HDAC4: variants seen among roughly 807,000 people sequenced by gnomAD.
HDAC4 encodes the protein histone deacetylase A.
A neutral mutation model predicts 135.1 loss-of-function variants in HDAC4; 16 were observed. The ratio of observed to expected loss-of-function variants is 0.12; its 90% CI spans 0.08 to 0.18. HDAC4 has a LOEUF of 0.18. Ranked by LOEUF, HDAC4 falls within the 10% of genes least tolerant of loss-of-function variation. The probability of loss-of-function intolerance (pLI) is 1.00; values close to 1 mark genes in which losing one functional copy is unlikely to be tolerated. For synonymous variants in HDAC4, 685 were observed against 653.4 expected (o/e 1.05, Z -0.74); for missense variants, 1,143 against 1,511.8 (o/e 0.76, Z 4.05).
chr2:239,190,159 G>T, intron 3 of HDAC4, 82 bp from the exon 4 acceptor site: 1 of 1,389,074 alleles, frequency 7.2e-7, no homozygotes, highest in Non-Finnish European at 9.5e-7. Context: ...CAACACACTG[G>T]CCACCTTCAC....
At chr2:239,236,723 T>G in intron 2 of HDAC4, 59 bp from the exon 3 acceptor site, 1 of 1,309,732 alleles carries the variant, frequency 7.6e-7, no homozygotes, top group Non-Finnish European at 1.1e-6. Flanking sequence ...CAACATACTT[T>G]ATGCTGGGAG....
intron 2 of HDAC4, among the ~76,000 whole-genome samples, chr2:239,333,254 T>C (rs370394524): frequency 6.6e-6 from 1 of 152,046 alleles, no homozygotes; most frequent in East Asian, 1.9e-4. Flanking sequence ...GGATTTTACA[T>C]TAAGTGGTTG....
rs1374822305 is a variant in HDAC4 at position 239,068,194 on chromosome 2, T to G, written c.2869+295A>C. On this transcript the variant is annotated intron_variant, in intron 23 of 26. Transcript: ENST00000543185. The surrounding 1 kb of genome is among the most constrained non-coding windows in gnomAD (Gnocchi z 4.4). ...TCTTGGTGGGACCAGGACCTGCCCC[T>G]GGAGGTGGCCTGCAGGTCCCTAGGC... 6.6e-6 allele frequency among the ~76,000 whole-genome samples: 1 copy of G among 152,106 alleles called. No homozygotes were observed. The highest frequency in any genetic ancestry group is 1.5e-5 in the Non-Finnish European group (1 of 67,988).
rs114060316 is a variant in HDAC4, at chr2:239,275,502, C to T, written c.23-38838G>A. Among the ~76,000 whole-genome samples, 1,144 of 152,290 alleles carry T rather than the reference C, an allele frequency of 7.5e-3. 9 individuals are homozygous for T. The highest frequency in any genetic ancestry group is 0.013 in the Non-Finnish European group (858 of 68,024). The stretch of plus-strand genomic sequence containing the variant: ...AGCTCTGCAAATGTGATGGCAGTGG[C>T]GATGTCATGGCCCACGGAGTGACAG... On this transcript the variant is annotated intron_variant, in intron 2 of 26. Transcript: ENST00000543185.
chr2:239,111,584 C>T lies in HDAC4; in HGVS notation c.1920G>A (p.Ala640=), dbSNP rs533357140. The change falls in exon 14 of 27, where the codon GCG becomes GCA. Residue 640 remains alanine (A), a synonymous_variant. Coordinates refer to ENST00000543185, the MANE Select transcript of HDAC4 (RefSeq NM_001378414.1). ...GCACAGACACGGGGAAGGTGGCAGACGCGGGTGAGGACTGCGCCCGGGACA... is the reference window on the plus strand; with the variant it reads ...GCACAGACACGGGGAAGGTGGCAGATGCGGGTGAGGACTGCGCCCGGGACA... ...RPLSRAQSSP[A]SATFPVSVQE... The T allele has an allele frequency of 1.3e-4, 205 of 1,612,120 alleles. 1 individual carries two copies. The South Asian group carries it at 1.8e-3, about 14-fold the overall frequency.
intron 22 of HDAC4, among the ~76,000 whole-genome samples, chr2:239,079,856 G>C (rs1367707050): frequency 6.6e-6 from 1 of 150,962 alleles, no homozygotes; most frequent in African/African-American, 2.5e-5. Context: ...ACAAAGACAT[G>C]TGCATGCAAA....
chr2:239,348,820 T>A (rs550717973), intron 2 of HDAC4, among the ~76,000 whole-genome samples: 1 of 152,324 alleles, frequency 6.6e-6, no homozygotes, highest in African/African-American at 2.4e-5. Flanking sequence ...TCATTAGAAA[T>A]CGTTCTTTAG....
intron 2 of HDAC4, among the ~76,000 whole-genome samples, chr2:239,326,070 A>G (rs1027987154): frequency 3.3e-5 from 5 of 152,236 alleles, no homozygotes; most frequent in Admixed American, 2.6e-4. Flanking sequence ...GTGTGTACAC[A>G]TATGTTCACA....
chr2:239,362,916 A>G (rs555902126), intron 1 of HDAC4, among the ~76,000 whole-genome samples: 1 of 152,358 alleles, frequency 6.6e-6, no homozygotes, highest in Non-Finnish European at 1.5e-5. Flanking sequence ...CAATCTACCA[A>G]TAACTATTAA....
intron 1 of HDAC4, among the ~76,000 whole-genome samples, chr2:239,382,281 A>T (rs879311291): frequency 6.6e-6 from 1 of 152,234 alleles, no homozygotes; most frequent in African/African-American, 2.4e-5. Flanking sequence ...TGCATTGGTG[A>T]TACTCAGCCT....
chr2:239,135,692 C>T (rs1166457143), intron 9 of HDAC4, among the ~76,000 whole-genome samples: 2 of 152,162 alleles, frequency 1.3e-5, no homozygotes, highest in African/African-American at 2.4e-5. Flanking sequence ...TGGCCTGATG[C>T]CCATGAAGCC....
chr2:239,062,268 C>T (rs1463591501), intron 24 of HDAC4, among the ~76,000 whole-genome samples: 1 of 152,286 alleles, frequency 6.6e-6, no homozygotes, highest in Non-Finnish European at 1.5e-5. Flanking sequence ...CCCCTCTGCG[C>T]TTCCTGTCCC....
At chr2:239,319,547 A>C (rs901793699) in intron 2 of HDAC4, among the ~76,000 whole-genome samples, 2 of 152,236 alleles carry the variant, frequency 1.3e-5, no homozygotes, top group African/African-American at 4.8e-5. Context: ...CGCAGAGTTA[A>C]AAGTAGCTTA....
intron 2 of HDAC4, among the ~76,000 whole-genome samples, chr2:239,316,577 T>TA (rs1403925434): frequency 6.6e-6 from 1 of 152,194 alleles, no homozygotes; most frequent in Non-Finnish European, 1.5e-5. Flanking sequence ...CACTACCCTG[T>TA]ACAGTATACC....
chr2:239,126,630 C>G lies in HDAC4; in HGVS notation c.1359G>C (p.Arg453=). ...GCAGCTTGTGGATGGAGGGGGACAC[C>G]CGGTCTGCACCAACCAAGGACTGTG... is the stretch of plus-strand genomic sequence containing the variant. ...LHAQSLVGAD[R]VSPSIHKLRQ... is the part of the protein sequence containing the mutation. The change falls in exon 12 of 27, where the codon CGG becomes CGC. Residue 453 remains arginine (R), a synonymous_variant. Coordinates refer to ENST00000543185, the MANE Select transcript of HDAC4 (RefSeq NM_001378414.1). The G allele has an allele frequency of 6.2e-7, 1 of 1,614,014 alleles. No individual in the cohort carries two copies. The highest frequency in any genetic ancestry group is 1.1e-5 in the South Asian group (1 of 91,080).
intron 3 of HDAC4, among the ~76,000 whole-genome samples, chr2:239,215,778 G>C (rs1286620098): frequency 6.6e-6 from 1 of 152,184 alleles, no homozygotes; most frequent in Non-Finnish European, 1.5e-5. Flanking sequence ...TCTGCACCGG[G>C]CTCCCTGGAG....
intron 2 of HDAC4, among the ~76,000 whole-genome samples, chr2:239,343,515 G>A (rs1449512334): frequency 1.3e-5 from 2 of 152,248 alleles, no homozygotes; most frequent in Non-Finnish European, 2.9e-5. Context: ...CCCAGCCGGC[G>A]GGGCAGGACC....
intron 2 of HDAC4, among the ~76,000 whole-genome samples, chr2:239,317,182 A>C (rs969231325): frequency 1.3e-5 from 2 of 152,200 alleles, no homozygotes; most frequent in East Asian, 3.8e-4. Flanking sequence ...CAAATAAGTA[A>C]GTACATGATG....
At chr2:239,162,325 G>T (rs751845283) in intron 6 of HDAC4, 1 of 456,374 alleles carries the variant, frequency 2.2e-6, no homozygotes, top group Non-Finnish European at 4.4e-6. Flanking sequence ...TCCTCCGCCA[G>T]GCCCCAGGCC....
Sources: allele counts gnomAD v4.1 joint callset (sites outside exome capture counted in the v4.1 genomes callset), GRCh38; gene constraint gnomAD v4.1.1; non-coding constraint Gnocchi (gnomAD v3.1); transcripts MANE v1.5; gene names NCBI Gene and HGNC (gene_info 2026-07-23, HGNC 2026-07-21).